Variants in FOXP2 observed in about 807,000 individuals in gnomAD.
FOXP2 encodes the protein forkhead box P2, also known as forkhead box protein P2.
FOXP2 carries 12 observed loss-of-function variants against 115.8 expected under a neutral mutation model. That is an observed-to-expected ratio of 0.10 (90% confidence interval 0.07 to 0.17). FOXP2 has a LOEUF of 0.17. Ranked by LOEUF, FOXP2 falls within the 10% of genes least tolerant of loss-of-function variation. The pLI is 1.00. For missense variants in FOXP2, 629 were observed against 843.5 expected (o/e 0.75, Z 3.15); for synonymous variants, 328 against 297.7 (o/e 1.10, Z -1.05).
chr7:114,295,825 C>G (rs1796730462), intron 2 of FOXP2, among the ~76,000 whole-genome samples: 1 of 152,142 alleles, frequency 6.6e-6, no homozygotes, highest in Non-Finnish European at 1.5e-5. Context: ...CTCACATTTT[C>G]ACTGTTGCTT....
rs557384098 is a variant in FOXP2 at position 114,625,342 on chromosome 7, A to C, written c.259-3198A>C. ...AGTTCTCCCTCCTCTTCTATGTCAC[A>C]CGTCTAAATTGTGATCCCTTATTAG... On this transcript the variant is annotated intron_variant, in intron 3 of 16. Coordinates refer to ENST00000350908, the MANE Select transcript of FOXP2 (RefSeq NM_014491.4). Among the ~76,000 whole-genome samples, 20 of 151,884 alleles carry C rather than the reference A, an allele frequency of 1.3e-4. No homozygotes were observed. In the East Asian group the frequency reaches 3.9e-3, roughly 29 times the overall value.
intron 2 of FOXP2, among the ~76,000 whole-genome samples, chr7:114,472,991 A>T (rs1314452408): frequency 6.6e-6 from 1 of 152,204 alleles, no homozygotes; most frequent in South Asian, 2.1e-4. Flanking sequence ...TTCAGCAGAC[A>T]TCATGATAAG....
intron 1 of FOXP2, among the ~76,000 whole-genome samples, chr7:114,181,765 AC>A (rs1478478049): frequency 2.0e-5 from 3 of 152,118 alleles, no homozygotes; most frequent in African/African-American, 4.8e-5. Context: ...ACACTAAATG[AC>A]CTAATTAGTA....
At chr7:114,351,488 T>C (rs1791489459) in intron 2 of FOXP2, among the ~76,000 whole-genome samples, 1 of 152,088 alleles carries the variant, frequency 6.6e-6, no homozygotes. Context: ...TACAACTCAA[T>C]CCAAATTTAG....
chr7:114,545,751 G>A (rs79128906), intron 3 of FOXP2, among the ~76,000 whole-genome samples: 184 of 152,126 alleles, frequency 1.2e-3, no homozygotes, highest in African/African-American at 3.9e-3. Flanking sequence ...CATGCAGCTG[G>A]CCTTCCCTTC....
At chr7:114,143,080 G>A (rs1250242158) in intron 1 of FOXP2, among the ~76,000 whole-genome samples, 7 of 151,238 alleles carry the variant, frequency 4.6e-5, no homozygotes, top group Non-Finnish European at 8.8e-5. Context: ...CCCAGGAGGT[G>A]AAGGCTGCCA....
intron 2 of FOXP2, among the ~76,000 whole-genome samples, chr7:114,320,896 T>A (rs556603531): frequency 6.6e-6 from 1 of 152,320 alleles, no homozygotes; most frequent in East Asian, 1.9e-4. Context: ...CCTACCTTCA[T>A]CAATAAGCTA....
chr7:114,661,786 G>T (rs748225260), intron 13 of FOXP2: 3 of 393,076 alleles, frequency 7.6e-6, no homozygotes, highest in Non-Finnish European at 1.4e-5. Context: ...ACTGTAATTT[G>T]TACAGATATT....
intron 2 of FOXP2, among the ~76,000 whole-genome samples, chr7:114,320,854 A>G (rs1797403068): frequency 6.6e-6 from 1 of 152,224 alleles, no homozygotes; most frequent in Admixed American, 6.5e-5. Flanking sequence ...CCAAAGACAG[A>G]AGACCTGTGG....
chr7:114,504,842 A>G (rs1797735986), intron 2 of FOXP2, among the ~76,000 whole-genome samples: 1 of 151,642 alleles, frequency 6.6e-6, no homozygotes, highest in African/African-American at 2.4e-5. Flanking sequence ...ATAGAGATTA[A>G]ATGACTCAGT....
At chr7:114,396,498 T>C (rs1792744844) in intron 2 of FOXP2, among the ~76,000 whole-genome samples, 1 of 152,182 alleles carries the variant, frequency 6.6e-6, no homozygotes, top group Non-Finnish European at 1.5e-5. Context: ...TCATTTTCTT[T>C]GGGCTATATA....
chr7:114,556,813 T>G (rs1800479014), intron 3 of FOXP2, among the ~76,000 whole-genome samples: 1 of 152,212 alleles, frequency 6.6e-6, no homozygotes. Flanking sequence ...TGAATAGTTT[T>G]TTCTAGTTTA....
rs1057024737 is a variant in FOXP2 at position 114,351,025 on chromosome 7, G to A, written c.-11+62916G>A. Among the ~76,000 whole-genome samples, 4 of 152,028 alleles carry A rather than the reference G, an allele frequency of 2.6e-5. No homozygotes were observed. In the East Asian group the frequency reaches 7.7e-4, roughly 29 times the overall value. On this transcript the variant is annotated intron_variant, in intron 2 of 17. Transcript: ENST00000634411. ...AAAAGTTGTTACACTGTATTGTTTA[G>A]GAAATACTGACAACAAAAATGTCTA...
intron 2 of FOXP2, among the ~76,000 whole-genome samples, chr7:114,291,700 T>A (rs1168224284): frequency 6.6e-6 from 1 of 151,178 alleles, no homozygotes; most frequent in Non-Finnish European, 1.5e-5. Context: ...AGGACTGAGA[T>A]CCTTAGCCTC....
At chr7:114,121,402 G>C (rs1012605513) in intron 1 of FOXP2, among the ~76,000 whole-genome samples, 1 of 152,038 alleles carries the variant, frequency 6.6e-6, no homozygotes. Context: ...TGTTATCGCA[G>C]CCCAAACTGA....
chr7:114,178,410 T>TA (rs1793373644), intron 1 of FOXP2, among the ~76,000 whole-genome samples: 1 of 151,970 alleles, frequency 6.6e-6, no homozygotes, highest in Admixed American at 6.6e-5. Flanking sequence ...CATACCAAGG[T>TA]ACTTTGGAAA....
At chr7:114,461,782 A>G (rs1054519906) in intron 2 of FOXP2, among the ~76,000 whole-genome samples, 24 of 152,044 alleles carry the variant, frequency 1.6e-4, no homozygotes, top group African/African-American at 5.5e-4. Context: ...GCAAGGCACT[A>G]GGCTGGATGC....
intron 2 of FOXP2, among the ~76,000 whole-genome samples, chr7:114,453,725 T>C (rs894875410): frequency 1.3e-5 from 2 of 152,058 alleles, no homozygotes; most frequent in African/African-American, 4.8e-5. Context: ...AATCTGTTTC[T>C]ATATCTCCCT....
At chr7:114,137,259 A>G (rs551643109) in intron 1 of FOXP2, among the ~76,000 whole-genome samples, 12 of 152,266 alleles carry the variant, frequency 7.9e-5, no homozygotes, top group South Asian at 2.1e-4. Flanking sequence ...ATATTTAACA[A>G]GTATTGGGTT....
Sources: allele counts gnomAD v4.1 joint callset (sites outside exome capture counted in the v4.1 genomes callset), GRCh38; gene constraint gnomAD v4.1.1; transcripts MANE v1.5; gene names NCBI Gene and HGNC (gene_info 2026-07-23, HGNC 2026-07-21).